ADGRV1: variants seen among roughly 807,000 people sequenced by gnomAD.
ADGRV1 encodes the protein adhesion G protein-coupled receptor V1.
Under a neutral mutation model 596.2 loss-of-function variants are expected in ADGRV1, and 359 were observed. The observed-to-expected ratio is 0.60, with a 90% confidence interval of 0.55 to 0.66. The LOEUF (loss-of-function observed/expected upper bound fraction) is 0.66. Among genes scored for constraint, ADGRV1 ranks in the 30% least tolerant of loss-of-function variants. ADGRV1 has a pLI of 0.00. For missense variants in ADGRV1, 7,274 were observed against 7,575.6 expected (o/e 0.96, Z 1.48); for synonymous variants, 2,681 against 2,679.2 (o/e 1.00, Z -0.02).
intron 1 of ADGRV1, among the ~76,000 whole-genome samples, chr5:90,593,942 T>C (rs2152000891): frequency 6.6e-6 from 1 of 152,174 alleles, no homozygotes; most frequent in East Asian, 1.9e-4. Flanking sequence ...ATTGTACAAT[T>C]TGATCCACTA....
chr5:90,944,111 A>G (rs1423228500), intron 83 of ADGRV1, among the ~76,000 whole-genome samples: 1 of 152,216 alleles, frequency 6.6e-6, no homozygotes, highest in Non-Finnish European at 1.5e-5. Flanking sequence ...TCATTTCTAT[A>G]TACTCAATGC....
At chr5:90,857,662 G>T (rs1236755415) in intron 82 of ADGRV1, among the ~76,000 whole-genome samples, 1 of 152,082 alleles carries the variant, frequency 6.6e-6, no homozygotes, top group Non-Finnish European at 1.5e-5. Flanking sequence ...TTATGTAATT[G>T]CATGTTCTGT....
chr5:90,808,161 A>C (rs568782514), intron 73 of ADGRV1, among the ~76,000 whole-genome samples: 1 of 152,186 alleles, frequency 6.6e-6, no homozygotes, highest in Non-Finnish European at 1.5e-5. Flanking sequence ...CTTTAATTTA[A>C]TTTTATTGAA....
At chr5:90,668,448 A>G (rs1264024887) in intron 21 of ADGRV1, among the ~76,000 whole-genome samples, 2 of 152,116 alleles carry the variant, frequency 1.3e-5, no homozygotes, top group Non-Finnish European at 2.9e-5. Context: ...CGAGTGAGGC[A>G]ATGCCTCACC....
intron 85 of ADGRV1, among the ~76,000 whole-genome samples, chr5:91,019,048 C>T (rs1848487): frequency 0.36 from 54,008 of 151,762 alleles, 9,828 homozygotes; most frequent in East Asian, 0.48. Flanking sequence ...CTCTTTTCAA[C>T]AGTTCCAACA....
chr5:90,810,527 T>G lies in ADGRV1; in HGVS notation c.15267T>G (p.Phe5089Leu). 1 of 1,613,862 alleles carries G rather than the reference T, an allele frequency of 6.2e-7. No individual in the cohort carries two copies. The highest frequency in any genetic ancestry group is 8.5e-7 in the Non-Finnish European group (1 of 1,179,766). ...ATCAGCTTTCTGAGATAGAAGAATTTTTTTACATTAACCTTACTTCAGTAG... is the reference window on the plus strand; with the variant it reads ...ATCAGCTTTCTGAGATAGAAGAATTGTTTTACATTAACCTTACTTCAGTAG... ...INDQLSEIEE[F>L]FYINLTSVEI... Residue 5089 changes from phenylalanine to leucine, a missense_variant, in exon 74 of 90, where the codon TTT (phenylalanine) becomes TTG (leucine). Transcript: ENST00000405460.
At chr5:90,904,599 T>G (rs1458063096) in intron 83 of ADGRV1, among the ~76,000 whole-genome samples, 3 of 151,940 alleles carry the variant, frequency 2.0e-5, no homozygotes, top group Non-Finnish European at 4.4e-5. Context: ...GCCAATATTT[T>G]TTTTTCTAGA....
At chr5:90,632,502 C>A (rs1346567974) in intron 9 of ADGRV1, among the ~76,000 whole-genome samples, 4 of 152,136 alleles carry the variant, frequency 2.6e-5, no homozygotes, top group Non-Finnish European at 5.9e-5. Flanking sequence ...ATATCAGTAT[C>A]CTCTATGTTA....
At chr5:90,764,137 T>C (rs1200678465) in intron 59 of ADGRV1, among the ~76,000 whole-genome samples, 1 of 152,160 alleles carries the variant, frequency 6.6e-6, no homozygotes, top group Non-Finnish European at 1.5e-5. Flanking sequence ...GAAGTTTGCT[T>C]CCCTCTCGTG....
At chr5:91,023,201 A>C (rs937513525) in intron 85 of ADGRV1, among the ~76,000 whole-genome samples, 4 of 152,180 alleles carry the variant, frequency 2.6e-5, no homozygotes, top group African/African-American at 9.7e-5. Flanking sequence ...GCTAGTGCTT[A>C]TATATTAAAA....
chr5:90,929,669 G>A (rs17556421), intron 83 of ADGRV1: 42,497 of 152,150 alleles, frequency 0.28, 6,502 homozygotes, highest in Non-Finnish European at 0.35. Context: ...CAGGTTATTT[G>A]TTCTAAGTGC....
chr5:91,161,357 T>A (rs150689432), intron 89 of ADGRV1, among the ~76,000 whole-genome samples: 1 of 152,280 alleles, frequency 6.6e-6, no homozygotes, highest in African/African-American at 2.4e-5. Flanking sequence ...TTTATGGTAG[T>A]CCATAAATGA....
intron 14 of ADGRV1, among the ~76,000 whole-genome samples, chr5:90,644,460 A>G (rs973900653): frequency 6.6e-6 from 1 of 152,218 alleles, no homozygotes; most frequent in Non-Finnish European, 1.5e-5. Flanking sequence ...TTCCCATGCC[A>G]ACTGACTTCT....
At chr5:91,033,608 C>G (rs1784647718) in intron 85 of ADGRV1, among the ~76,000 whole-genome samples, 1 of 152,146 alleles carries the variant, frequency 6.6e-6, no homozygotes, top group South Asian at 2.1e-4. Flanking sequence ...AATGTGCAAA[C>G]AGGGCCCTGA....
intron 85 of ADGRV1, among the ~76,000 whole-genome samples, chr5:91,060,948 G>A (rs1490833470): frequency 6.6e-6 from 1 of 152,152 alleles, no homozygotes; most frequent in Admixed American, 6.6e-5. Flanking sequence ...ATTGCTGTGA[G>A]GATTTTTTTG....
intron 61 of ADGRV1, 27 bp downstream of exon 61, chr5:90,776,603 C>T: frequency 1.2e-6 from 2 of 1,611,392 alleles, no homozygotes; most frequent in Non-Finnish European, 1.7e-6. Context: ...TTTTCTTTGC[C>T]TATATGGGGG....
intron 81 of ADGRV1, among the ~76,000 whole-genome samples, chr5:90,854,771 C>T (rs1243968643): frequency 6.6e-6 from 1 of 152,136 alleles, no homozygotes; most frequent in Admixed American, 6.5e-5. Context: ...CAGTGCTGGC[C>T]TAGAAGGGTC....
In ADGRV1 at chr5:90,828,423, G is replaced by A. The variant is rs151050645; in HGVS notation, c.16369-521G>A. Among the ~76,000 whole-genome samples, 12 of 152,128 alleles carry A rather than the reference G, an allele frequency of 7.9e-5. 1 individual carries two copies. The East Asian group carries it at 2.1e-3, about 27-fold the overall frequency. On this transcript the variant is annotated intron_variant, in intron 76 of 89. Coordinates refer to ENST00000405460, the MANE Select transcript of ADGRV1 (RefSeq NM_032119.4). ...AAACCCTCCACCCAAGGCAACTGCT[G>A]TCAGGGTGTGGTAGTTAAAAAAGAA... is the stretch of plus-strand genomic sequence containing the variant.
intron 85 of ADGRV1, among the ~76,000 whole-genome samples, chr5:91,027,118 G>A (rs376772727): frequency 7.2e-4 from 99 of 136,754 alleles, no homozygotes; most frequent in African/African-American, 2.4e-3. Flanking sequence ...CTCTAGCCTG[G>A]GCAACAGAGC....
Sources: gnomAD v4.1 joint callset for allele counts (sites outside exome capture counted in the v4.1 genomes callset) on GRCh38, gnomAD v4.1.1 for gene constraint, MANE v1.5 for transcripts, NCBI Gene and HGNC (gene_info 2026-07-23, HGNC 2026-07-21) for gene names.